GRK4: variants seen among roughly 807,000 people sequenced by gnomAD.
GRK4 encodes G protein-coupled receptor kinase 4, also known as G protein-coupled receptor kinase 2-like.
In GRK4, 73 loss-of-function variants were observed where a neutral mutation model predicts 77.9. The ratio of observed to expected loss-of-function variants is 0.94; its 90% confidence interval spans 0.78 to 1.14. GRK4 has a LOEUF of 1.14. Among genes scored for constraint, GRK4 ranks in the 50% most tolerant of loss-of-function variants. The pLI is 0.00. For synonymous variants in GRK4, 257 were observed against 254.4 expected, an observed-to-expected ratio of 1.01 and a Z score of -0.10; for missense variants, 729 against 700.2, an observed-to-expected ratio of 1.04 and a Z score of -0.46.
intron 9 of GRK4, among the ~76,000 whole-genome samples, chr4:3,020,852 A>T (rs968579915): frequency 9.9e-5 from 15 of 152,248 alleles, no homozygotes; most frequent in Non-Finnish European, 2.1e-4. Flanking sequence ...TGTATTGAAC[A>T]TGTAGACTTT....
chr4:3,037,531 G>C lies in GRK4; in HGVS notation c.1545+20G>C. The C allele has an allele frequency of 1.3e-6, 2 of 1,589,702 alleles. No individual in the cohort carries two copies. The highest frequency in any genetic ancestry group is 1.7e-6 in the Non-Finnish European group (2 of 1,160,776). On this transcript the variant is annotated intron_variant, in intron 14 of 15. Transcript: ENST00000398052. The stretch of plus-strand genomic sequence containing the variant: ...AATGAGGTACTGCCCTTCCAGCACA[G>C]CCGCTTTACGTTAGTTCCAACAGTG...
intron 2 of GRK4, among the ~76,000 whole-genome samples, chr4:2,984,862 G>A (rs1723817315): frequency 6.6e-6 from 1 of 151,858 alleles, no homozygotes. Context: ...GCCCAGGCTG[G>A]TCTTAAACTC....
At chr4:3,022,982 C>T (rs575803736) in intron 10 of GRK4, among the ~76,000 whole-genome samples, 201 of 152,322 alleles carry the variant, frequency 1.3e-3, no homozygotes, top group African/African-American at 4.7e-3. Context: ...AGCCACTGTG[C>T]CCCACCTAGA....
chr4:2,970,687 G>T (rs956986710), intron 1 of GRK4, among the ~76,000 whole-genome samples: 5 of 150,918 alleles, frequency 3.3e-5, no homozygotes, highest in East Asian at 3.9e-4. Flanking sequence ...TTTTTTTTTG[G>T]GGGGGTCAGT....
intron 10 of GRK4, among the ~76,000 whole-genome samples, chr4:3,026,697 C>T (rs1737672788): frequency 6.6e-6 from 1 of 152,208 alleles, no homozygotes; most frequent in Non-Finnish European, 1.5e-5. Flanking sequence ...GGTCTGTGCT[C>T]CTCACCCCTG....
chr4:3,007,413 C>T (rs916851356), intron 5 of GRK4, among the ~76,000 whole-genome samples: 3 of 151,920 alleles, frequency 2.0e-5, no homozygotes, highest in Non-Finnish European at 2.9e-5. Context: ...GCTTTGACCT[C>T]TATGCTGTCC....
At chr4:3,037,177 C>G (rs1358598412) in intron 13 of GRK4, among the ~76,000 whole-genome samples, 197 bp from the exon 14 acceptor site, 1 of 151,888 alleles carries the variant, frequency 6.6e-6, no homozygotes, top group Non-Finnish European at 1.5e-5. Flanking sequence ...ACACTAAAAG[C>G]TGGCGAACCA....
intron 4 of GRK4, among the ~76,000 whole-genome samples, chr4:2,998,261 G>C (rs1245421619): frequency 3.9e-5 from 6 of 152,078 alleles, no homozygotes; most frequent in African/African-American, 1.2e-4. Flanking sequence ...GGAAGCTGAG[G>C]CAGGAGAATT....
At chr4:3,000,449 G>C (rs1347639532) in intron 4 of GRK4, among the ~76,000 whole-genome samples, 1 of 152,150 alleles carries the variant, frequency 6.6e-6, no homozygotes, top group Non-Finnish European at 1.5e-5. Context: ...TTTGTCTTCT[G>C]AGAATATTTT....
At chr4:2,975,284 A>G (rs1292667743) in intron 1 of GRK4, among the ~76,000 whole-genome samples, 1 of 152,214 alleles carries the variant, frequency 6.6e-6, no homozygotes, top group Admixed American at 6.5e-5. Context: ...GCCTGGCCAC[A>G]GAGCCAGACT....
intron 5 of GRK4, among the ~76,000 whole-genome samples, chr4:3,006,789 G>T (rs1243584790): frequency 6.6e-6 from 1 of 151,968 alleles, no homozygotes; most frequent in Non-Finnish European, 1.5e-5. Context: ...AGAGATGTTG[G>T]CTCCATGGCT....
intron 8 of GRK4, among the ~76,000 whole-genome samples, chr4:3,015,225 G>A (rs1205332622): frequency 6.6e-6 from 1 of 152,202 alleles, no homozygotes; most frequent in Admixed American, 6.5e-5. Flanking sequence ...AGCTACTGAA[G>A]TATGAAGACT....
intron 7 of GRK4, among the ~76,000 whole-genome samples, chr4:3,011,331 A>G (rs536081863): frequency 4.6e-5 from 7 of 152,358 alleles, no homozygotes; most frequent in Admixed American, 4.6e-4. Context: ...CTGTAATCCT[A>G]GCACTTCGGG....
At chr4:3,000,066 C>T (rs1038507959) in intron 4 of GRK4, among the ~76,000 whole-genome samples, 2 of 152,110 alleles carry the variant, frequency 1.3e-5, no homozygotes, top group African/African-American at 4.8e-5. Context: ...TTTCCTCTGC[C>T]TAAAATTTTA....
Position 2,964,039 on chromosome 4 carries a change from G to T in GRK4, c.-32G>T, listed in dbSNP as rs905222549. On this transcript the variant is annotated 5_prime_UTR_variant, in exon 1 of 16. Coordinates refer to ENST00000398052, the MANE Select transcript of GRK4 (RefSeq NM_182982.3). Reference sequence around the variant, plus strand: ...CCGCCTCCTCAGTCTCCTCGGTCTCGCAGAATCCGCCGGCGGCGGCGGCGC... The same window carrying T: ...CCGCCTCCTCAGTCTCCTCGGTCTCTCAGAATCCGCCGGCGGCGGCGGCGC... 1.2e-6 allele frequency: 2 copies of T among 1,601,124 alleles called. No individual in the cohort carries two copies. Among genetic ancestry groups the T allele is most frequent in the Admixed American group, 1.7e-5 (1 of 58,718 alleles).
chr4:3,038,480 CAG>C lies in GRK4; in HGVS notation c.1653_1654del (p.Gly552LeufsTer4), dbSNP rs1176117918. 6 of 1,613,324 alleles carry C rather than the reference CAG, an allele frequency of 3.7e-6. No individual in the cohort carries two copies. Among genetic ancestry groups the C allele is most frequent in the Admixed American group, 3.3e-5 (2 of 59,918 alleles). On this transcript the variant is annotated frameshift_variant, in exon 15 of 16. Transcript: ENST00000398052. LOFTEE classifies it low-confidence loss of function (END_TRUNC). ...TACATACCCCGGTTTCCAGACCAAA[CAG>C]AGGCTTCTTCTATAGACTCTTCAGA... ...NIHTPVSRPN[R>X]GFFYRLFRRG... is the part of the protein sequence containing the mutation.
chr4:3,026,243 T>C (rs1737528315), intron 10 of GRK4, among the ~76,000 whole-genome samples: 1 of 152,234 alleles, frequency 6.6e-6, no homozygotes, highest in African/African-American at 2.4e-5. Flanking sequence ...GAGCACCTGT[T>C]TCCCCACAGC....
intron 4 of GRK4, among the ~76,000 whole-genome samples, chr4:2,993,227 C>G (rs1385280377): frequency 6.6e-6 from 1 of 152,184 alleles, no homozygotes; most frequent in African/African-American, 2.4e-5. Context: ...TTTTGACTTA[C>G]TTGGTTCTTG....
intron 9 of GRK4, 31 bp downstream of exon 9, chr4:3,019,862 A>T: frequency 6.3e-7 from 1 of 1,576,782 alleles, no homozygotes; most frequent in Admixed American, 1.8e-5. Flanking sequence ...TGGAGCCTGC[A>T]AGTCTTGGAG....
Sources: gnomAD v4.1 joint callset for allele counts (sites outside exome capture counted in the v4.1 genomes callset) on GRCh38, gnomAD v4.1.1 for gene constraint, MANE v1.5 for transcripts, NCBI Gene and HGNC (gene_info 2026-07-23, HGNC 2026-07-21) for gene names.